Variants in RNF182 observed in about 807,000 individuals in gnomAD.
The protein encoded by RNF182 is E3 ubiquitin-protein ligase RNF182.
Under a neutral mutation model 14.4 loss-of-function variants are expected in RNF182, and 15 were observed. That is an observed-to-expected ratio of 1.04 (90% confidence interval 0.70 to 1.60). The LOEUF (loss-of-function observed/expected upper bound fraction) is 1.60, where lower values mean the gene tolerates loss of function less well. Among genes scored for constraint, RNF182 ranks in the 40% most tolerant of loss-of-function variants. The pLI is 0.00. For missense variants in RNF182, 268 were observed against 294.8 expected (o/e 0.91, Z 0.67); for synonymous variants, 128 against 122.9 (o/e 1.04, Z -0.27).
chr6:13,945,742 C>T (rs534861199), intron 1 of RNF182, among the ~76,000 whole-genome samples: 4 of 152,150 alleles, frequency 2.6e-5, no homozygotes, highest in Non-Finnish European at 4.4e-5. Flanking sequence ...TACTGCTGTG[C>T]CTTAATTTCA....
At chr6:13,956,448 C>G (rs1759734198) in intron 1 of RNF182, among the ~76,000 whole-genome samples, 1 of 151,912 alleles carries the variant, frequency 6.6e-6, no homozygotes, top group African/African-American at 2.4e-5. Context: ...CCTCAGCCTC[C>G]CTAGTAGCTG....
chr6:13,972,357 C>T (rs1048314205), intron 1 of RNF182, among the ~76,000 whole-genome samples: 2 of 150,200 alleles, frequency 1.3e-5, no homozygotes, highest in African/African-American at 2.5e-5. Context: ...TGCAGCTTGA[C>T]GATGCAATAG....
At chr6:13,953,978 A>G (rs1328754173) in intron 1 of RNF182, among the ~76,000 whole-genome samples, 1 of 152,240 alleles carries the variant, frequency 6.6e-6, no homozygotes, top group Non-Finnish European at 1.5e-5. Context: ...GTTGGAAAGT[A>G]GAGAGAAAGC....
intron 1 of RNF182, among the ~76,000 whole-genome samples, chr6:13,941,681 G>T (rs1741299357): frequency 2.0e-5 from 3 of 151,482 alleles, no homozygotes; most frequent in Admixed American, 6.6e-5. Flanking sequence ...TTTCTTGTTA[G>T]TTATACATTG....
At chr6:13,950,009 A>T (rs1165968040) in intron 1 of RNF182, among the ~76,000 whole-genome samples, 2 of 152,200 alleles carry the variant, frequency 1.3e-5, no homozygotes, top group Non-Finnish European at 2.9e-5. Context: ...TTTTAGCTTT[A>T]TTCTATCTAA....
chr6:13,962,848 A>G (rs1173115056), intron 1 of RNF182, among the ~76,000 whole-genome samples: 1 of 152,230 alleles, frequency 6.6e-6, no homozygotes, highest in Non-Finnish European at 1.5e-5. Flanking sequence ...GAAACTGTAT[A>G]TGAAATATTT....
At chr6:13,925,586 A>C (rs749035267) in intron 1 of RNF182, among the ~76,000 whole-genome samples, 3 of 152,302 alleles carry the variant, frequency 2.0e-5, no homozygotes, top group East Asian at 3.9e-4. Flanking sequence ...AGTTGCACCT[A>C]TAACTGGATG....
intron 1 of RNF182, among the ~76,000 whole-genome samples, chr6:13,960,692 T>TGTGTGTGTGCGCGC (rs367625022): frequency 2.8e-4 from 38 of 137,804 alleles, no homozygotes; most frequent in African/African-American, 9.7e-4. Context: ...TGTGTGTGTG[T>TGTGTGTGTGCGCGC]GCGCGCGTGC....
chr6:13,934,718 C>T (rs577595456), intron 1 of RNF182, among the ~76,000 whole-genome samples: 3 of 152,290 alleles, frequency 2.0e-5, no homozygotes, highest in South Asian at 4.1e-4. Context: ...CATTATTCTC[C>T]TGTCCTGGAC....
chr6:13,962,781 C>T (rs1456345911), intron 1 of RNF182, among the ~76,000 whole-genome samples: 1 of 152,092 alleles, frequency 6.6e-6, no homozygotes, highest in Non-Finnish European at 1.5e-5. Context: ...ATAATCTCTC[C>T]TGTTGATGCC....
intron 1 of RNF182, among the ~76,000 whole-genome samples, chr6:13,938,178 T>TTTTA (rs1226568481): frequency 6.9e-5 from 10 of 144,194 alleles, no homozygotes; most frequent in African/African-American, 2.5e-4. Flanking sequence ...TTTTTGTATT[T>TTTTA]TTTTTTTTTT....
At chr6:13,944,155 G>A (rs1184849459) in intron 1 of RNF182, among the ~76,000 whole-genome samples, 2 of 152,108 alleles carry the variant, frequency 1.3e-5, no homozygotes, top group Non-Finnish European at 2.9e-5. Context: ...GTTTCTGGGT[G>A]GTAGAGGATT....
chr6:13,970,783 G>A (rs1223737839), intron 1 of RNF182, among the ~76,000 whole-genome samples: 1 of 152,080 alleles, frequency 6.6e-6, no homozygotes, highest in Non-Finnish European at 1.5e-5. Flanking sequence ...AAAATTAATG[G>A]ACTTACATAC....
At chr6:13,973,576 T>G (rs1004936590) in intron 1 of RNF182, among the ~76,000 whole-genome samples, 1 of 152,152 alleles carries the variant, frequency 6.6e-6, no homozygotes, top group Non-Finnish European at 1.5e-5. Context: ...TCTCACAAGA[T>G]CTCATGGTTT....
intron 1 of RNF182, among the ~76,000 whole-genome samples, chr6:13,952,555 G>A (rs280167): frequency 0.56 from 85,089 of 151,448 alleles, 27,773 homozygotes; most frequent in Non-Finnish European, 0.74. Flanking sequence ...GTATCCTACG[G>A]TTTATCCAAA....
At chr6:13,935,776 C>T (rs1759094062) in intron 1 of RNF182, among the ~76,000 whole-genome samples, 1 of 152,270 alleles carries the variant, frequency 6.6e-6, no homozygotes, top group African/African-American at 2.4e-5. Flanking sequence ...AGACATCTTA[C>T]TATGATTCAT....
intron 1 of RNF182, among the ~76,000 whole-genome samples, chr6:13,926,791 G>GTT (rs59699777): frequency 6.5e-4 from 97 of 148,226 alleles, no homozygotes; most frequent in South Asian, 1.1e-3. Flanking sequence ...GTGTGTGTGT[G>GTT]TTTTTTTTTT....
intron 1 of RNF182, among the ~76,000 whole-genome samples, chr6:13,925,893 G>GC: frequency 6.6e-6 from 1 of 152,260 alleles, no homozygotes; most frequent in Non-Finnish European, 1.5e-5. Context: ...TTTCTCAGTG[G>GC]CCCCAACCCT....
intron 1 of RNF182, among the ~76,000 whole-genome samples, chr6:13,956,152 A>G (rs280174): frequency 0.4 from 60,959 of 151,908 alleles, 13,531 homozygotes; most frequent in Middle Eastern, 0.51. Flanking sequence ...ATAGTATTTC[A>G]TTGTGTATAC....
Sources: gnomAD v4.1 joint callset for allele counts (sites outside exome capture counted in the v4.1 genomes callset) on GRCh38, gnomAD v4.1.1 for gene constraint, MANE v1.5 for transcripts, NCBI Gene and HGNC (gene_info 2026-07-23, HGNC 2026-07-21) for gene names.